The following RAD51B variants were observed in gnomAD, a reference collection of about 807,000 sequenced individuals.
RAD51B encodes DNA repair protein RAD51 homolog 2.
RAD51B carries 38 observed loss-of-function variants against 42.2 expected under a neutral mutation model. That is an observed-to-expected ratio of 0.90 (90% CI 0.70 to 1.18). RAD51B has a LOEUF of 1.18. Ranked by LOEUF, RAD51B falls within the 50% of genes most tolerant of loss-of-function variation. The pLI is 0.00. For missense variants in RAD51B, 373 were observed against 400.7 expected, an observed-to-expected ratio of 0.93 and a Z score of 0.59; for synonymous variants, 154 against 145.2, an observed-to-expected ratio of 1.06 and a Z score of -0.43.
At chr14:68,519,012 A>G (rs1886379280) in intron 10 of RAD51B, among the ~76,000 whole-genome samples, 2 of 152,226 alleles carry the variant, frequency 1.3e-5, no homozygotes, top group Non-Finnish European at 2.9e-5. Flanking sequence ...ATCAGTTACT[A>G]TGGGCTTATC....
At chr14:68,092,571 G>A (rs2077119132) in intron 7 of RAD51B, among the ~76,000 whole-genome samples, 1 of 152,192 alleles carries the variant, frequency 6.6e-6, no homozygotes, top group South Asian at 2.1e-4. Flanking sequence ...CTTTGCTGAA[G>A]TTGCTTATCA....
At chr14:68,062,187 G>T (rs1463929477) in intron 7 of RAD51B, among the ~76,000 whole-genome samples, 1 of 152,110 alleles carries the variant, frequency 6.6e-6, no homozygotes, top group Non-Finnish European at 1.5e-5. Context: ...TTGATATGAG[G>T]TGTCATGTTT....
intron 7 of RAD51B, among the ~76,000 whole-genome samples, chr14:67,889,639 A>G (rs1468862766): frequency 6.6e-6 from 1 of 151,458 alleles, no homozygotes; most frequent in Non-Finnish European, 1.5e-5. Flanking sequence ...GGGAAGGGTG[A>G]CATCATTTGG....
intron 7 of RAD51B, among the ~76,000 whole-genome samples, chr14:68,123,665 C>T (rs545897554): frequency 9.9e-5 from 15 of 151,888 alleles, no homozygotes; most frequent in East Asian, 3.9e-4. Flanking sequence ...AAAATTAGCT[C>T]GGCATGGTGG....
downstream of RAD51B, among the ~76,000 whole-genome samples, chr14:68,596,403 C>T (rs1301433463): frequency 1.3e-5 from 2 of 152,094 alleles, no homozygotes; most frequent in Non-Finnish European, 2.9e-5. Flanking sequence ...TCTCGTAAGC[C>T]TTTTCATAGC....
At chr14:68,602,460 C>T (rs116749343) in intron 10 of RAD51B, among the ~76,000 whole-genome samples, 4 of 151,102 alleles carry the variant, frequency 2.6e-5, no homozygotes, top group Non-Finnish European at 4.4e-5. Flanking sequence ...GGGTTGGATG[C>T]GGATAGATGG....
chr14:68,481,834 G>T (rs1883201629), downstream of RAD51B, among the ~76,000 whole-genome samples: 1 of 152,116 alleles, frequency 6.6e-6, no homozygotes, highest in African/African-American at 2.4e-5. Context: ...CAATAGTAAA[G>T]AACTCAGTGA....
intron 7 of RAD51B, among the ~76,000 whole-genome samples, chr14:67,944,010 A>G (rs2045298146): frequency 6.6e-6 from 1 of 152,134 alleles, no homozygotes; most frequent in Non-Finnish European, 1.5e-5. Context: ...ACTCTGGGAT[A>G]AAACCAGCAA....
intron 7 of RAD51B, among the ~76,000 whole-genome samples, chr14:68,238,178 C>T (rs1053408155): frequency 6.6e-6 from 1 of 152,152 alleles, no homozygotes; most frequent in Non-Finnish European, 1.5e-5. Flanking sequence ...CACATCCTTG[C>T]CAACACTTTT....
chr14:68,308,704 TAA>T (rs67048671), intron 8 of RAD51B, among the ~76,000 whole-genome samples: 6 of 104,320 alleles, frequency 5.8e-5, no homozygotes, highest in Admixed American at 1.1e-4. Flanking sequence ...TCTGTGTCAT[TAA>T]AAAAAAAAAA....
intron 11 of RAD51B, among the ~76,000 whole-genome samples, chr14:68,651,779 G>C (rs897386221): frequency 3.4e-4 from 52 of 152,274 alleles, no homozygotes; most frequent in African/African-American, 1.2e-3. Context: ...CTGGAGAGAG[G>C]CCTCGGCAAT....
chr14:68,295,409 A>T (rs778027145), intron 8 of RAD51B, among the ~76,000 whole-genome samples: 1 of 152,190 alleles, frequency 6.6e-6, no homozygotes, highest in Admixed American at 6.5e-5. Context: ...AAACACTGGG[A>T]GGGCAACAGC....
chr14:68,215,074 A>G (rs1002288347), intron 7 of RAD51B, among the ~76,000 whole-genome samples: 11 of 152,196 alleles, frequency 7.2e-5, no homozygotes, highest in African/African-American at 2.7e-4. Flanking sequence ...AAGATTAATT[A>G]TCTCCATTGC....
rs75654218 is a variant in RAD51B at position 68,210,586 on chromosome 14, G to A, written c.757-81298G>A. Among the ~76,000 whole-genome samples, 1,490 of 152,164 alleles carry A rather than the reference G, an allele frequency of 9.8e-3. 27 individuals are homozygous for A. The highest frequency in any genetic ancestry group is 0.034 in the African/African-American group (1,402 of 41,490). The stretch of plus-strand genomic sequence containing the variant: ...TGGTGGCCTTCAGTGAATTCTGCAT[G>A]AGCTCTAGTAGTAACTGCCACTGCT... On this transcript the variant is annotated intron_variant, in intron 7 of 10. Transcript: ENST00000471583.
At chr14:67,882,079 C>T (rs933926570) in intron 5 of RAD51B, among the ~76,000 whole-genome samples, 1 of 152,152 alleles carries the variant, frequency 6.6e-6, no homozygotes, top group African/African-American at 2.4e-5. Flanking sequence ...CTCAAGCAAT[C>T]CTCTCACCTC....
At chr14:68,515,660 T>C (rs1886092662) in intron 10 of RAD51B, among the ~76,000 whole-genome samples, 1 of 151,602 alleles carries the variant, frequency 6.6e-6, no homozygotes, top group Non-Finnish European at 1.5e-5. Flanking sequence ...TTGCCCAGGC[T>C]TGTTTTAAAC....
At chr14:68,373,394 G>T (rs2083299527) in intron 8 of RAD51B, among the ~76,000 whole-genome samples, 1 of 152,112 alleles carries the variant, frequency 6.6e-6, no homozygotes, top group Non-Finnish European at 1.5e-5. Context: ...ATGATAGACT[G>T]GATAAAGAAA....
At chr14:68,187,964 G>A (rs531436800) in intron 7 of RAD51B, among the ~76,000 whole-genome samples, 17 of 152,070 alleles carry the variant, frequency 1.1e-4, no homozygotes, top group Non-Finnish European at 2.1e-4. Flanking sequence ...ACAGGTGCAC[G>A]CCACGATGGC....
chr14:68,535,228 G>C (rs899590522), intron 10 of RAD51B, among the ~76,000 whole-genome samples: 1 of 152,160 alleles, frequency 6.6e-6, no homozygotes, highest in African/African-American at 2.4e-5. Flanking sequence ...GAGGTTAAAA[G>C]TTAAACAATA....
Sources: gnomAD v4.1 joint callset for allele counts (sites outside exome capture counted in the v4.1 genomes callset) on GRCh38, gnomAD v4.1.1 for gene constraint, MANE v1.5 for transcripts, NCBI Gene and HGNC (gene_info 2026-07-23, HGNC 2026-07-21) for gene names.